The following DOCK3 variants were observed in gnomAD, a reference collection of about 807,000 sequenced individuals.
DOCK3 encodes the protein dedicator of cytokinesis protein 3.
Under a neutral mutation model 265.6 loss-of-function variants are expected in DOCK3, and 60 were observed. That is an observed-to-expected ratio of 0.23 (90% CI 0.18 to 0.28). The LOEUF (loss-of-function observed/expected upper bound fraction) is 0.28. Ranked by LOEUF, DOCK3 falls within the 10% of genes least tolerant of loss-of-function variation. The pLI is 1.00. For synonymous variants in DOCK3, 881 were observed against 938.0 expected (o/e 0.94, Z 1.11); for missense variants, 1,981 against 2,594.3 (o/e 0.76, Z 5.14).
chr3:51,348,139 G>A (rs903603541), intron 38 of DOCK3, among the ~76,000 whole-genome samples: 1 of 152,122 alleles, frequency 6.6e-6, no homozygotes, highest in Non-Finnish European at 1.5e-5. Context: ...AGGAGGAAAT[G>A]GATAATATCG....
chr3:51,254,044 C>T (rs2079410655), intron 22 of DOCK3, among the ~76,000 whole-genome samples: 1 of 152,212 alleles, frequency 6.6e-6, no homozygotes, highest in African/African-American at 2.4e-5. Context: ...TTAAATGTGT[C>T]TCAGAGGTTC....
chr3:50,727,094 A>C (rs1178997000), intron 1 of DOCK3, among the ~76,000 whole-genome samples: 1 of 152,238 alleles, frequency 6.6e-6, no homozygotes, highest in Non-Finnish European at 1.5e-5. Context: ...GGACTGTTAG[A>C]ACCAATAGAA....
chr3:50,701,037 G>A (rs966622967), intron 1 of DOCK3, among the ~76,000 whole-genome samples: 3 of 151,870 alleles, frequency 2.0e-5, no homozygotes, highest in Non-Finnish European at 2.9e-5. Context: ...TTTCCCTGAT[G>A]GTTAGTGATG....
chr3:51,350,308 T>C lies in DOCK3; in HGVS notation c.4023T>C (p.Tyr1341=), dbSNP rs778118269. ...SWIRKMEASY[Y]DNIMEQQRLE... is the part of the protein sequence containing the mutation. The stretch of plus-strand genomic sequence containing the variant: ...CACAGAAAATGGAGGCCAGCTACTA[T>C]GACAACATTATGGAGCAGCAACGCC... The change falls in exon 40 of 53, where the codon TAT becomes TAC. Residue 1341 remains tyrosine, a synonymous_variant. Coordinates refer to ENST00000266037, the MANE Select transcript of DOCK3 (RefSeq NM_004947.5). 1 of 1,606,392 alleles carries C rather than the reference T, an allele frequency of 6.2e-7. No individual in the cohort carries two copies. Among genetic ancestry groups the C allele is most frequent in the Non-Finnish European group, 8.5e-7 (1 of 1,178,100 alleles).
At position 51,332,519 on chromosome 3, in the gene DOCK3, G is replaced by C. The variant is rs571141653; in HGVS notation, c.3489-482G>C. On this transcript the variant is annotated intron_variant, in intron 33 of 52. Transcript: ENST00000266037. The stretch of plus-strand genomic sequence containing the variant: ...CTCATGTTGGGGCCCCAAGACTAGT[G>C]GAATCTTTCCCTTAGTTTCCATGAA... Among the ~76,000 whole-genome samples the C allele has an allele frequency of 2.0e-5, 3 of 152,280 alleles. No individual in the cohort carries two copies. In the East Asian group the frequency reaches 5.8e-4, roughly 29 times the overall value.
At position 51,354,941 on chromosome 3, in the gene DOCK3, G is replaced by A; in HGVS notation, c.4167G>A (p.Arg1389=). 6.2e-7 allele frequency: 1 copy of A among 1,613,932 alleles called. No homozygotes were observed. Among genetic ancestry groups the A allele is most frequent in the Non-Finnish European group, 8.5e-7 (1 of 1,179,862 alleles). Residue 1389 remains arginine (R), a synonymous_variant, in exon 41 of 53, where the codon AGG becomes AGA. Coordinates refer to ENST00000266037, the MANE Select transcript of DOCK3 (RefSeq NM_004947.5). ...DYERLEAFQQ[R]MLSEFPQAVA... Reference sequence around the variant, plus strand: ...AGAGGCTGGAGGCCTTCCAGCAGAGGATGCTCAGTGAGTTTCCGCAGGCTG... The same window carrying A: ...AGAGGCTGGAGGCCTTCCAGCAGAGAATGCTCAGTGAGTTTCCGCAGGCTG...
At chr3:51,267,329 G>A (rs1357458136) in intron 23 of DOCK3, among the ~76,000 whole-genome samples, 1 of 151,814 alleles carries the variant, frequency 6.6e-6, no homozygotes, top group East Asian at 1.9e-4. Flanking sequence ...ATAAACCCAA[G>A]GGATTATAAA....
At chr3:50,755,259 A>G (rs2040089893) in intron 1 of DOCK3, among the ~76,000 whole-genome samples, 1 of 152,228 alleles carries the variant, frequency 6.6e-6, no homozygotes, top group Non-Finnish European at 1.5e-5. Context: ...TGTAGAGTCA[A>G]ATAATTTTTG....
chr3:51,058,004 A>G (rs975278858), intron 5 of DOCK3, among the ~76,000 whole-genome samples: 3 of 152,118 alleles, frequency 2.0e-5, no homozygotes, highest in South Asian at 4.2e-4. Context: ...TCTTTTCTGG[A>G]TATAGTGAAC....
chr3:51,258,959 A>G (rs2079701516), intron 22 of DOCK3, among the ~76,000 whole-genome samples: 1 of 152,204 alleles, frequency 6.6e-6, no homozygotes, highest in African/African-American at 2.4e-5. Flanking sequence ...TTTCTGCTTC[A>G]TGGGCCTGAA....
intron 3 of DOCK3, among the ~76,000 whole-genome samples, chr3:50,852,736 G>A (rs1308644718): frequency 1.3e-5 from 2 of 151,722 alleles, no homozygotes; most frequent in Admixed American, 1.3e-4. Context: ...TGATTTTTTT[G>A]TGTATTATTT....
chr3:51,257,027 C>T (rs750335351), intron 22 of DOCK3, among the ~76,000 whole-genome samples: 1 of 152,222 alleles, frequency 6.6e-6, no homozygotes, highest in Non-Finnish European at 1.5e-5. Context: ...CTTGCTAGAT[C>T]AGCTGAGTTG....
intron 2 of DOCK3, among the ~76,000 whole-genome samples, chr3:50,799,061 A>G (rs762458695): frequency 1.3e-5 from 2 of 152,174 alleles, no homozygotes; most frequent in East Asian, 3.9e-4. Context: ...TGGGTTGTCT[A>G]TACTGTTTTA....
chr3:51,040,164 T>G (rs1426581814), intron 5 of DOCK3, among the ~76,000 whole-genome samples: 2 of 151,878 alleles, frequency 1.3e-5, no homozygotes, highest in African/African-American at 4.8e-5. Context: ...CCAGATTCCA[T>G]GTGTGGTTTA....
chr3:50,899,595 GT>G (rs1442642287), intron 4 of DOCK3, among the ~76,000 whole-genome samples: 1 of 152,198 alleles, frequency 6.6e-6, no homozygotes, highest in Non-Finnish European at 1.5e-5. Flanking sequence ...AATTTGGTAT[GT>G]TCTTGCAGTG....
intron 2 of DOCK3, among the ~76,000 whole-genome samples, chr3:50,805,944 A>G (rs2043385228): frequency 6.6e-6 from 1 of 151,514 alleles, no homozygotes; most frequent in African/African-American, 2.4e-5. Flanking sequence ...GCCTGGGGGA[A>G]TATGTCAGGA....
intron 12 of DOCK3, among the ~76,000 whole-genome samples, chr3:51,168,217 T>C (rs898786975): frequency 6.6e-5 from 10 of 152,254 alleles, no homozygotes; most frequent in Non-Finnish European, 1.5e-4. Flanking sequence ...CTAGTGACAT[T>C]CTTCACAGAA....
At chr3:50,852,546 T>G (rs2046392617) in intron 3 of DOCK3, among the ~76,000 whole-genome samples, 1 of 152,212 alleles carries the variant, frequency 6.6e-6, no homozygotes, top group Admixed American at 6.5e-5. Context: ...CTGTCCACTT[T>G]ACATTTTTGG....
At chr3:50,687,620 T>C (rs907782834) in intron 1 of DOCK3, among the ~76,000 whole-genome samples, 1 of 152,230 alleles carries the variant, frequency 6.6e-6, no homozygotes, top group African/African-American at 2.4e-5. Flanking sequence ...TGGTTGATAA[T>C]TTTAATCACA....
Sources: gnomAD v4.1 joint callset for allele counts (sites outside exome capture counted in the v4.1 genomes callset) on GRCh38, gnomAD v4.1.1 for gene constraint, MANE v1.5 for transcripts, NCBI Gene and HGNC (gene_info 2026-07-23, HGNC 2026-07-21) for gene names.